The following DGAT2 variants were observed in gnomAD, a reference collection of about 807,000 sequenced individuals.
DGAT2 encodes diacylglycerol O-acyltransferase 2.
A neutral mutation model predicts 48.4 loss-of-function variants in DGAT2; 33 were observed. The observed-to-expected ratio is 0.68, with a 90% CI of 0.52 to 0.91. The LOEUF (loss-of-function observed/expected upper bound fraction) is 0.91. Among genes scored for constraint, DGAT2 ranks in the 40% least tolerant of loss-of-function variants. The probability of loss-of-function intolerance (pLI) is 0.00; values close to 1 mark genes in which losing one functional copy is unlikely to be tolerated. For missense variants in DGAT2, 446 were observed against 493.7 expected (o/e 0.90, Z 0.92); for synonymous variants, 191 against 194.1 (o/e 0.98, Z 0.13).
chr11:75,785,955 C>T (rs1422721834), intron 2 of DGAT2, among the ~76,000 whole-genome samples: 24 of 152,260 alleles, frequency 1.6e-4, no homozygotes, highest in Non-Finnish European at 1.0e-4. Context: ...AGGGAGCCCA[C>T]ATTCCTGGAA....
intron 3 of DGAT2, 44 bp downstream of exon 3, chr11:75,790,339 G>T (rs754612081): frequency 6.7e-7 from 1 of 1,497,598 alleles, no homozygotes; most frequent in Non-Finnish European, 9.3e-7. Context: ...TTCTAGGGAT[G>T]CTCTTCCCCC....
intron 1 of DGAT2, among the ~76,000 whole-genome samples, chr11:75,772,095 C>T (rs1418768519): frequency 6.6e-6 from 1 of 152,190 alleles, no homozygotes; most frequent in Non-Finnish European, 1.5e-5. Flanking sequence ...CCGTGAAGGG[C>T]TGAGTGCAGG....
chr11:75,785,725 C>T (rs1944915639), intron 2 of DGAT2, among the ~76,000 whole-genome samples: 1 of 152,192 alleles, frequency 6.6e-6, no homozygotes, highest in Admixed American at 6.5e-5. Flanking sequence ...ACTGTATAGG[C>T]TGGTAGGGGA....
intron 1 of DGAT2, among the ~76,000 whole-genome samples, chr11:75,781,805 A>G (rs1944867212): frequency 6.6e-6 from 1 of 152,142 alleles, no homozygotes; most frequent in Non-Finnish European, 1.5e-5. Flanking sequence ...GCAGGCCCTC[A>G]ATTTCCAGTC....
At chr11:75,782,619 A>G (rs1944878475) in intron 1 of DGAT2, among the ~76,000 whole-genome samples, 1 of 151,818 alleles carries the variant, frequency 6.6e-6, no homozygotes, top group African/African-American at 2.4e-5. Flanking sequence ...TCCCTTATAT[A>G]CTCACCCAGT....
chr11:75,797,086 C>A (rs1945064117), intron 5 of DGAT2, 72 bp from the exon 6 acceptor site: 2 of 1,404,026 alleles, frequency 1.4e-6, no homozygotes, highest in Non-Finnish European at 1.9e-6. Context: ...ATGTTTTATA[C>A]CTGACTGTGT....
At chr11:75,783,663 G>A (rs1272190024) in intron 1 of DGAT2, among the ~76,000 whole-genome samples, 1 of 152,128 alleles carries the variant, frequency 6.6e-6, no homozygotes, top group East Asian at 1.9e-4. Flanking sequence ...AGCAAAGAGG[G>A]GTTTGAGGTG....
chr11:75,790,301 T>C lies in DGAT2; in HGVS notation c.358+6T>C. The C allele has an allele frequency of 1.2e-6, 2 of 1,607,850 alleles. No homozygotes were observed. The highest frequency in any genetic ancestry group is 1.7e-6 in the Non-Finnish European group (2 of 1,174,302). On this transcript the variant is annotated splice_donor_region_variant and intron_variant, in intron 3 of 7. Transcript: ENST00000228027. The stretch of plus-strand genomic sequence containing the variant: ...CTGGAACACACCCAAGAAAGGTAAG[T>C]GCAAGGCCTCCCTTGCCCCACCTCT...
chr11:75,791,323 C>T (rs1017594287), intron 4 of DGAT2, among the ~76,000 whole-genome samples: 7 of 152,296 alleles, frequency 4.6e-5, no homozygotes, highest in South Asian at 2.1e-4. Context: ...TCACTGCATT[C>T]GGTATTTTGG....
At chr11:75,796,151 A>G (rs1945049202) in intron 4 of DGAT2, 177 bp from the exon 5 acceptor site, 2 of 651,132 alleles carry the variant, frequency 3.1e-6, no homozygotes, top group Non-Finnish European at 5.5e-6. Flanking sequence ...TGACTGCCCA[A>G]CACCAGCACT....
intron 1 of DGAT2, among the ~76,000 whole-genome samples, chr11:75,781,236 G>A (rs767026351): frequency 3.9e-5 from 6 of 152,250 alleles, no homozygotes; most frequent in South Asian, 2.1e-4. Flanking sequence ...AGAAGGAAAG[G>A]CCTTCTCTTT....
intron 6 of DGAT2, among the ~76,000 whole-genome samples, chr11:75,797,551 G>C (rs1194882986): frequency 6.6e-6 from 1 of 152,226 alleles, no homozygotes; most frequent in Non-Finnish European, 1.5e-5. Context: ...TGGCCTGTGG[G>C]CCCTTGCAGG....
chr11:75,792,774 C>T (rs1945005781), intron 4 of DGAT2: 2 of 152,146 alleles, frequency 1.3e-5, no homozygotes. Flanking sequence ...GAAACACTCT[C>T]TCTAAGCTTA....
rs1945051071 is a variant in DGAT2 at position 75,796,275 on chromosome 11, C to A, written c.430-53C>A. 4 of 1,521,742 alleles carry A rather than the reference C, an allele frequency of 2.6e-6. No individual in the cohort carries two copies. The African/African-American group carries it at 4.1e-5, about 16-fold the overall frequency. The allele number at this position is 1,521,742 out of a possible 1,614,324, so 94.3% of individuals were successfully genotyped here. On this transcript the variant is annotated intron_variant, in intron 4 of 7. Coordinates refer to ENST00000228027, the MANE Select transcript of DGAT2 (RefSeq NM_032564.5). ...AATCCCTCCCTACCCTCCGGGTATG[C>A]CCCGGTATCCCTCTCCCAGCCAGTT...
At chr11:75,797,473 G>A in intron 6 of DGAT2, 141 bp downstream of exon 6, 2 of 1,086,802 alleles carry the variant, frequency 1.8e-6, no homozygotes, top group South Asian at 2.6e-5. Context: ...AGGGGATGTT[G>A]GAGCCCAGAC....
rs768225293 is a variant in DGAT2 at position 75,796,568 on chromosome 11, G to A, written c.634+36G>A. 3.8e-6 allele frequency: 6 copies of A among 1,598,674 alleles called. No individual in the cohort carries two copies. The Admixed American group carries it at 6.7e-5, about 18-fold the overall frequency. On this transcript the variant is annotated intron_variant, in intron 5 of 7. Transcript: ENST00000228027. ...ACCCCCTGTGCTCCTGCTGGGCACT[G>A]TTGTCAAGGCCTGAGCCTCTCCATC...
rs139258356 is a variant in DGAT2, at chr11:75,791,230, G to A, written c.429+499G>A. 4.6e-4 allele frequency among the ~76,000 whole-genome samples: 70 copies of A among 152,350 alleles called. 1 individual carries two copies. Among genetic ancestry groups the A allele is most frequent in the African/African-American group, 1.7e-3 (70 of 41,582 alleles). On this transcript the variant is annotated intron_variant, in intron 4 of 7. Transcript: ENST00000228027. Reference sequence around the variant, plus strand: ...GAAAGAGTTCTGTGCAGGGTGCAGGGTGGTGTATATTTGCTGTTGTGAGTC... The same window carrying A: ...GAAAGAGTTCTGTGCAGGGTGCAGGATGGTGTATATTTGCTGTTGTGAGTC...
Position 75,785,424 on chromosome 11 carries a change from G to A in DGAT2, c.250+678G>A, listed in dbSNP as rs374504840. ...TGAGCACATTCCCCAGGTGCTTCCC[G>A]AGGCCTGCTCCCTGCTATCTCTCAG... On this transcript the variant is annotated intron_variant, in intron 2 of 7. Coordinates refer to ENST00000228027, the MANE Select transcript of DGAT2 (RefSeq NM_032564.5). 6.8e-4 allele frequency among the ~76,000 whole-genome samples: 103 copies of A among 152,254 alleles called. 1 individual carries two copies. The highest frequency in any genetic ancestry group is 2.4e-3 in the African/African-American group (98 of 41,552).
At chr11:75,770,784 A>ATCAGATCT (rs1944749631) in intron 1 of DGAT2, among the ~76,000 whole-genome samples, 1 of 151,932 alleles carries the variant, frequency 6.6e-6, no homozygotes, top group Non-Finnish European at 1.5e-5. Flanking sequence ...CCATGTTGTT[A>ATCAGATCT]TCAGATCTTG....
Sources: gnomAD v4.1 joint callset for allele counts (sites outside exome capture counted in the v4.1 genomes callset) on GRCh38, gnomAD v4.1.1 for gene constraint, MANE v1.5 for transcripts, NCBI Gene and HGNC (gene_info 2026-07-23, HGNC 2026-07-21) for gene names.